Variants in ATP8A2 observed in about 807,000 individuals in gnomAD.
ATP8A2 encodes ATPase phospholipid transporting 8A2.
Under a neutral mutation model 165.6 loss-of-function variants are expected in ATP8A2, and 100 were observed. That is an observed-to-expected ratio of 0.60 (90% CI 0.51 to 0.71). The LOEUF is 0.71. Ranked by LOEUF, ATP8A2 falls within the 30% of genes least tolerant of loss-of-function variation. The pLI is 0.00. For synonymous variants in ATP8A2, 543 were observed against 548.8 expected (o/e 0.99, Z 0.15); for missense variants, 1,227 against 1,479.5 (o/e 0.83, Z 2.80).
intron 33 of ATP8A2, among the ~76,000 whole-genome samples, chr13:25,917,419 G>T (rs967527887): frequency 1.3e-5 from 2 of 152,214 alleles, no homozygotes; most frequent in African/African-American, 4.8e-5. Context: ...TGATACAGTA[G>T]TAGTTGTTTT....
chr13:25,426,805 G>A (rs118056876), intron 1 of ATP8A2, among the ~76,000 whole-genome samples: 2,356 of 152,124 alleles, frequency 0.015, 34 homozygotes, highest in African/African-American at 0.039. Flanking sequence ...AATTAGCTGG[G>A]CACGATAACA....
At chr13:25,933,038 G>A (rs2478074) in intron 33 of ATP8A2, among the ~76,000 whole-genome samples, 2,215 of 152,296 alleles carry the variant, frequency 0.015, 43 homozygotes, top group African/African-American at 0.051. Flanking sequence ...GGTAGGGACA[G>A]GGCTTTGCCA....
At chr13:25,779,540 C>T (rs1040644046) in intron 27 of ATP8A2, among the ~76,000 whole-genome samples, 7 of 152,014 alleles carry the variant, frequency 4.6e-5, no homozygotes, top group Admixed American at 2.0e-4. Flanking sequence ...ATGGCTCAGT[C>T]GGAGTAGTAT....
chr13:25,830,575 C>T (rs9581447), intron 28 of ATP8A2, among the ~76,000 whole-genome samples: 1,822 of 152,180 alleles, frequency 0.012, 41 homozygotes, highest in African/African-American at 0.039. Flanking sequence ...GCCAAACCTT[C>T]TGGGAACATG....
chr13:25,578,271 G>T (rs2039673084), intron 20 of ATP8A2, among the ~76,000 whole-genome samples: 1 of 152,152 alleles, frequency 6.6e-6, no homozygotes, highest in Admixed American at 6.5e-5. Flanking sequence ...TAACACATTT[G>T]ATGGATTATC....
chr13:25,646,511 C>T (rs1313813133), intron 24 of ATP8A2, among the ~76,000 whole-genome samples: 1 of 151,762 alleles, frequency 6.6e-6, no homozygotes, highest in Non-Finnish European at 1.5e-5. Context: ...AAAAAATTAG[C>T]CAGGTGTGGT....
chr13:25,671,188 C>T (rs1450894517), intron 24 of ATP8A2, among the ~76,000 whole-genome samples: 1 of 152,222 alleles, frequency 6.6e-6, no homozygotes, highest in Non-Finnish European at 1.5e-5. Flanking sequence ...ACACTTATCA[C>T]TTCCCTAGTC....
chr13:25,408,080 A>AT (rs35215022), intron 1 of ATP8A2, among the ~76,000 whole-genome samples: 84,476 of 151,288 alleles, frequency 0.56, 23,910 homozygotes, highest in East Asian at 0.62. Flanking sequence ...AAAGTAAAAA[A>AT]ATATATATAT....
At chr13:25,869,120 CA>C (rs1389725797) in intron 33 of ATP8A2, among the ~76,000 whole-genome samples, 1 of 131,880 alleles carries the variant, frequency 7.6e-6, no homozygotes, top group African/African-American at 2.8e-5. Flanking sequence ...AAAGAAAAAT[CA>C]GAAACATTCA....
chr13:25,465,508 A>G (rs1183978626), intron 1 of ATP8A2, among the ~76,000 whole-genome samples: 3 of 150,968 alleles, frequency 2.0e-5, no homozygotes, highest in Admixed American at 6.6e-5. Flanking sequence ...TTGTTATCCA[A>G]CATCTAAATT....
At chr13:25,684,588 A>C (rs1396322158) in intron 24 of ATP8A2, among the ~76,000 whole-genome samples, 1 of 152,364 alleles carries the variant, frequency 6.6e-6, no homozygotes, top group Non-Finnish European at 1.5e-5. Flanking sequence ...ATTCTGATTT[A>C]AAGCAGACTT....
chr13:25,951,942 T>G (rs978759345), intron 33 of ATP8A2, among the ~76,000 whole-genome samples: 1 of 152,292 alleles, frequency 6.6e-6, no homozygotes, highest in East Asian at 1.9e-4. Flanking sequence ...GGATGTTAAG[T>G]TGGCAGATTT....
chr13:25,836,178 GTTTGT>G (rs1243868638), intron 28 of ATP8A2, among the ~76,000 whole-genome samples: 2 of 144,350 alleles, frequency 1.4e-5, no homozygotes, highest in African/African-American at 2.9e-5. Context: ...TTGTTTGTTT[GTTTGT>G]TTGTTTGTTT....
chr13:25,531,272 A>T (rs200334930), intron 4 of ATP8A2, among the ~76,000 whole-genome samples: 65 of 60,384 alleles, frequency 1.1e-3, no homozygotes, highest in African/African-American at 2.0e-3. Flanking sequence ...GATATATATG[A>T]TATATATGTT....
intron 27 of ATP8A2, among the ~76,000 whole-genome samples, chr13:25,795,242 G>A (rs983506521): frequency 6.6e-6 from 1 of 152,040 alleles, no homozygotes; most frequent in Non-Finnish European, 1.5e-5. Context: ...ATTTTCACTC[G>A]GCTGTCAGAG....
intron 27 of ATP8A2, among the ~76,000 whole-genome samples, chr13:25,779,540 C>A (rs1040644046): frequency 1.3e-5 from 2 of 152,014 alleles, no homozygotes; most frequent in African/African-American, 4.8e-5. Context: ...ATGGCTCAGT[C>A]GGAGTAGTAT....
chr13:25,530,126 A>G (rs748149108), intron 3 of ATP8A2, 28 bp downstream of exon 3: 1 of 1,330,502 alleles, frequency 7.5e-7, no homozygotes, highest in Non-Finnish European at 1.1e-6. Context: ...GTTCCTTGGA[A>G]TTCACTTAAT....
rs559105163 is a variant in ATP8A2 at position 25,783,268 on chromosome 13, C to A, written c.2679+8309C>A. 8.5e-5 allele frequency among the ~76,000 whole-genome samples: 13 copies of A among 152,256 alleles called. No individual in the cohort carries two copies. The South Asian group carries it at 2.5e-3, about 29-fold the overall frequency. ...TACAGTCCATGATTACCTGGGTGGT[C>A]CCTATCTTGTGCTGACAATTGTTGA... On this transcript the variant is annotated intron_variant, in intron 27 of 36. Coordinates refer to ENST00000381655, the MANE Select transcript of ATP8A2 (RefSeq NM_016529.6).
intron 23 of ATP8A2, among the ~76,000 whole-genome samples, 174 bp from the exon 24 acceptor site, chr13:25,589,461 C>G (rs2040009657): frequency 6.6e-6 from 1 of 152,216 alleles, no homozygotes; most frequent in Non-Finnish European, 1.5e-5. Context: ...CCAACTAGTT[C>G]TATTCAATCT....
Sources: gnomAD v4.1 joint callset for allele counts (sites outside exome capture counted in the v4.1 genomes callset) on GRCh38, gnomAD v4.1.1 for gene constraint, MANE v1.5 for transcripts, NCBI Gene and HGNC (gene_info 2026-07-23, HGNC 2026-07-21) for gene names.